The following UBR1 variants were observed in gnomAD, a reference collection of about 807,000 sequenced individuals.
UBR1 encodes the protein E3 ubiquitin-protein ligase UBR1.
In UBR1, 102 loss-of-function variants were observed where a neutral mutation model predicts 242.1. That is an observed-to-expected ratio of 0.42 (90% CI 0.36 to 0.50). The LOEUF (loss-of-function observed/expected upper bound fraction) is 0.50. Ranked by LOEUF, UBR1 falls within the 20% of genes least tolerant of loss-of-function variation. The pLI, the probability that UBR1 is intolerant of heterozygous loss-of-function variation, is 0.01. For synonymous variants in UBR1, 675 were observed against 684.8 expected (o/e 0.99, Z 0.22); for missense variants, 1,772 against 2,101.8 (o/e 0.84, Z 3.07).
intron 20 of UBR1, among the ~76,000 whole-genome samples, chr15:43,032,038 A>C (rs2033264367): frequency 6.6e-6 from 1 of 152,152 alleles, no homozygotes; most frequent in African/African-American, 2.4e-5. Context: ...CGTCTCAAAA[A>C]AACAAAACAA....
chr15:43,071,399 C>T (rs1348490526), intron 4 of UBR1, among the ~76,000 whole-genome samples: 1 of 152,128 alleles, frequency 6.6e-6, no homozygotes, highest in Admixed American at 6.6e-5. Context: ...TACGAAGTAT[C>T]TAAAGTAGTC....
rs532150163 is a variant in UBR1 at position 42,944,793 on chromosome 15, G to C, written c.*536C>G. The C allele has an allele frequency of 5.9e-6, 1 of 170,612 alleles. No individual in the cohort carries two copies. The highest frequency in any genetic ancestry group is 1.3e-5 in the Non-Finnish European group (1 of 79,450). 10.6% of individuals were successfully genotyped at this position (170,612 alleles called of 1,614,324 possible). Reference sequence around the variant, plus strand: ...GTTTAATTTGTGGTGATAGCAGCAGGTGGCACATTAGGGGTATTTCCTTAA... The same window carrying C: ...GTTTAATTTGTGGTGATAGCAGCAGCTGGCACATTAGGGGTATTTCCTTAA... On this transcript the variant is annotated 3_prime_UTR_variant, in exon 47 of 47. Coordinates refer to ENST00000290650, the MANE Select transcript of UBR1 (RefSeq NM_174916.3).
chr15:43,015,902 A>G, intron 28 of UBR1, 33 bp from the exon 29 acceptor site: 1 of 1,601,374 alleles, frequency 6.2e-7, no homozygotes, highest in Non-Finnish European at 8.5e-7. Context: ...TTTAGGTAAG[A>G]TCCACTGTTA....
intron 3 of UBR1, among the ~76,000 whole-genome samples, chr15:43,075,458 CTTTAAG>C (rs2033875973): frequency 6.6e-6 from 1 of 151,746 alleles, no homozygotes; most frequent in African/African-American, 2.4e-5. Flanking sequence ...AATTGTTATA[CTTTAAG>C]TTTTAGGGTA....
intron 27 of UBR1, among the ~76,000 whole-genome samples, chr15:43,018,543 A>G (rs775523266): frequency 5.9e-5 from 9 of 152,012 alleles, no homozygotes; most frequent in Non-Finnish European, 1.0e-4. Flanking sequence ...GCACACCACC[A>G]TACCCTTGAC....
At chr15:42,952,161 T>C in intron 45 of UBR1, 117 bp downstream of exon 45, 1 of 1,254,574 alleles carries the variant, frequency 8.0e-7, no homozygotes, top group Non-Finnish European at 1.2e-6. Flanking sequence ...AACAGGTTAA[T>C]ACTCTAACTT....
chr15:43,023,014 C>T (rs1347649328), intron 25 of UBR1, among the ~76,000 whole-genome samples: 1 of 151,970 alleles, frequency 6.6e-6, no homozygotes, highest in African/African-American at 2.4e-5. Context: ...GAGGTGCACA[C>T]GACCACGCCC....
intron 32 of UBR1, among the ~76,000 whole-genome samples, chr15:43,001,368 C>G (rs904095208): frequency 1.3e-5 from 2 of 152,138 alleles, no homozygotes; most frequent in Non-Finnish European, 2.9e-5. Flanking sequence ...AGGCTGGTCT[C>G]CAACTCCTGA....
intron 27 of UBR1, among the ~76,000 whole-genome samples, chr15:43,018,178 T>C (rs913585519): frequency 2.0e-5 from 3 of 151,998 alleles, no homozygotes; most frequent in Admixed American, 6.6e-5. Context: ...AATTTTTGTA[T>C]TTTTAGTAGA....
At chr15:43,067,060 A>G (rs972476530) in intron 6 of UBR1, among the ~76,000 whole-genome samples, 2 of 152,232 alleles carry the variant, frequency 1.3e-5, no homozygotes, top group Non-Finnish European at 2.9e-5. Context: ...TTTTCCAGGT[A>G]TAAACACAGG....
chr15:43,087,223 G>A (rs1000036640), intron 1 of UBR1, among the ~76,000 whole-genome samples: 1 of 152,036 alleles, frequency 6.6e-6, no homozygotes, highest in African/African-American at 2.4e-5. Context: ...GGCTAACACA[G>A]TGAAACCCCG....
chr15:43,027,735 C>A, intron 22 of UBR1, 41 bp downstream of exon 22: 2 of 1,581,084 alleles, frequency 1.3e-6, no homozygotes, highest in South Asian at 1.1e-5. Context: ...GAACAAAGAT[C>A]AAACTACCTT....
intron 30 of UBR1, among the ~76,000 whole-genome samples, chr15:43,006,561 T>C (rs1424099230): frequency 2.0e-5 from 3 of 152,350 alleles, no homozygotes; most frequent in South Asian, 4.1e-4. Flanking sequence ...TGAGCCACCA[T>C]GTCTGGCCTA....
At chr15:43,033,901 T>C (rs1212330306) in intron 19 of UBR1, among the ~76,000 whole-genome samples, 4 of 151,960 alleles carry the variant, frequency 2.6e-5, no homozygotes, top group African/African-American at 9.7e-5. Context: ...CTCAGGAGTT[T>C]GAGACTAGCC....
At chr15:43,101,091 C>T (rs899373267) in intron 1 of UBR1, among the ~76,000 whole-genome samples, 2 of 152,178 alleles carry the variant, frequency 1.3e-5, no homozygotes, top group African/African-American at 4.8e-5. Flanking sequence ...CAAGCAACAG[C>T]ACAGACCCTA....
At position 42,998,281 on chromosome 15, in the gene UBR1, TA is replaced by T. The variant is rs1244363268; in HGVS notation, c.3660-17del. On this transcript the variant is annotated splice_polypyrimidine_tract_variant and intron_variant, in intron 32 of 46. Coordinates refer to ENST00000290650, the MANE Select transcript of UBR1 (RefSeq NM_174916.3). ...TGCATTCTCACTGAAAAATGATATT[TA>T]AAAATTATTACAACCATGGGTACAA... 1 of 1,602,676 alleles carries T rather than the reference TA, an allele frequency of 6.2e-7. No homozygotes were observed. The highest frequency in any genetic ancestry group is 2.2e-5 in the East Asian group (1 of 44,792).
At chr15:43,033,037 C>T (rs1042080305) in intron 19 of UBR1, among the ~76,000 whole-genome samples, 3 of 152,160 alleles carry the variant, frequency 2.0e-5, no homozygotes, top group African/African-American at 7.2e-5. Context: ...AAATCAGATA[C>T]TGATTTTCAC....
Position 43,106,030 on chromosome 15 carries a change from G to C in UBR1, c.-8C>G, listed in dbSNP as rs568347044. On this transcript the variant is annotated 5_prime_UTR_variant, in exon 1 of 47. Transcript: ENST00000290650. Reference sequence around the variant, plus strand: ...AGCCTCCTCGTCCGCCATCTTGAGGGAAACTGACGCCTGCAGTTGCCGACC... The same window carrying C: ...AGCCTCCTCGTCCGCCATCTTGAGGCAAACTGACGCCTGCAGTTGCCGACC... The C allele has an allele frequency of 3.7e-6, 6 of 1,608,862 alleles. No homozygotes were observed. In the Middle Eastern group the frequency reaches 8.3e-4, roughly 221 times the overall value.
chr15:43,082,614 G>A, intron 3 of UBR1, 24 bp downstream of exon 3: 1 of 1,600,166 alleles, frequency 6.2e-7, no homozygotes, highest in Non-Finnish European at 8.6e-7. Flanking sequence ...TGCTTATTCA[G>A]AGGTTATGGT....
Sources: allele counts gnomAD v4.1 joint callset (sites outside exome capture counted in the v4.1 genomes callset), GRCh38; gene constraint gnomAD v4.1.1; transcripts MANE v1.5; gene names NCBI Gene and HGNC (gene_info 2026-07-23, HGNC 2026-07-21).